Variants in RSPO4 observed in about 807,000 individuals in gnomAD.
RSPO4 encodes the protein R-spondin-4.
A neutral mutation model predicts 24.8 loss-of-function variants in RSPO4; 23 were observed. The ratio of observed to expected loss-of-function variants is 0.93; its 90% CI spans 0.67 to 1.31. RSPO4 has a LOEUF of 1.31. RSPO4 is among the 40% of genes most tolerant of loss of function. RSPO4 has a pLI of 0.00. For missense variants in RSPO4, 333 were observed against 316.5 expected (o/e 1.05, Z -0.39); for synonymous variants, 141 against 127.4 (o/e 1.11, Z -0.72).
chr20:985,385 C>A (rs1984887758), intron 1 of RSPO4, among the ~76,000 whole-genome samples: 1 of 152,150 alleles, frequency 6.6e-6, no homozygotes, highest in Admixed American at 6.5e-5. Context: ...TGAATATCAT[C>A]TATGTGCCAG....
rs191594005 is a variant in RSPO4, at chr20:990,226, C to T, written c.79+11860G>A. ...ATGCTATTTAAAGTCATACGTCTCT[C>T]AGGTCCCGAGGCACACCAGGGATGG... On this transcript the variant is annotated intron_variant, in intron 1 of 4. Transcript: ENST00000217260. Among the ~76,000 whole-genome samples the T allele has an allele frequency of 1.3e-3, 191 of 152,252 alleles. 1 individual carries two copies. The highest frequency in any genetic ancestry group is 4.2e-3 in the African/African-American group (176 of 41,546).
At chr20:963,269 G>C (rs1479990258) in intron 4 of RSPO4, among the ~76,000 whole-genome samples, 1 of 152,172 alleles carries the variant, frequency 6.6e-6, no homozygotes, top group Non-Finnish European at 1.5e-5. Context: ...TGAAAAGTCT[G>C]CTTGCTGGGA....
At chr20:974,955 CAG>C (rs767347178) in intron 1 of RSPO4, among the ~76,000 whole-genome samples, 6 of 152,150 alleles carry the variant, frequency 3.9e-5, no homozygotes, top group Non-Finnish European at 8.8e-5. Flanking sequence ...AAATCAGATG[CAG>C]AGAGAGAAGC....
chr20:977,979 G>A (rs1984618462), intron 1 of RSPO4, among the ~76,000 whole-genome samples: 1 of 152,212 alleles, frequency 6.6e-6, no homozygotes. Context: ...CACTGCTGGA[G>A]GCTTGCTCAG....
intron 1 of RSPO4, among the ~76,000 whole-genome samples, chr20:982,819 G>A (rs554006676): frequency 1.3e-5 from 2 of 152,348 alleles, no homozygotes; most frequent in East Asian, 3.9e-4. Flanking sequence ...CTTGTCGGGG[G>A]TTTATGATTC....
Position 964,733 on chromosome 20 carries a change from C to A in RSPO4, c.410-613G>T, listed in dbSNP as rs752721322. Among the ~76,000 whole-genome samples the A allele has an allele frequency of 1.4e-5, 2 of 147,646 alleles. 1 individual carries two copies. The highest frequency in any genetic ancestry group is 4.0e-4 in the East Asian group (2 of 5,032). Reference sequence around the variant, plus strand: ...ACATATATATATACACATATATATACACACACACACATATATATACACATA... The same window carrying A: ...ACATATATATATACACATATATATAAACACACACACATATATATACACATA... On this transcript the variant is annotated intron_variant, in intron 3 of 4. Transcript: ENST00000217260.
At chr20:976,694 C>T (rs139784696) in intron 1 of RSPO4, among the ~76,000 whole-genome samples, 3,242 of 152,098 alleles carry the variant, frequency 0.021, 49 homozygotes, top group Middle Eastern at 0.11. Context: ...ACATCTGGGA[C>T]GCTGAAAATG....
intron 4 of RSPO4, among the ~76,000 whole-genome samples, chr20:961,415 G>A: frequency 6.6e-6 from 1 of 152,228 alleles, no homozygotes; most frequent in Non-Finnish European, 1.5e-5. Context: ...CTAGTGGCAA[G>A]GGGAGGGCAG....
At position 967,977 on chromosome 20, in the gene RSPO4, G is replaced by A; in HGVS notation, c.241C>T (p.Arg81Cys). The A allele has an allele frequency of 5.6e-6, 9 of 1,614,250 alleles. No individual in the cohort carries two copies. Among genetic ancestry groups the A allele is most frequent in the South Asian group, 1.1e-5 (1 of 91,084 alleles). ...HDCPPGYFGI[R>C]GQEVNRCKKC... ...TTGCACCTGTTGACCTCCTGGCCGCGGATGCCGAAGTACCCAGGGGGACAG... is the reference window on the plus strand; with the variant it reads ...TTGCACCTGTTGACCTCCTGGCCGCAGATGCCGAAGTACCCAGGGGGACAG... The change falls in exon 2 of 5, where the codon CGC (arginine) becomes TGC (cysteine). Residue 81 changes from arginine to cysteine, a missense_variant. Transcript: ENST00000217260.
At chr20:973,037 CAAG>C (rs1168467784) in intron 1 of RSPO4, among the ~76,000 whole-genome samples, 1 of 152,234 alleles carries the variant, frequency 6.6e-6, no homozygotes, top group Non-Finnish European at 1.5e-5. Context: ...AACCGAGAAT[CAAG>C]GAGGTGAAAC....
At chr20:964,731 T>TAC (rs756647472) in intron 3 of RSPO4, among the ~76,000 whole-genome samples, 3,325 of 148,064 alleles carry the variant, frequency 0.022, 86 homozygotes, top group African/African-American at 0.06. Context: ...CACATATATA[T>TAC]ACACACACAC....
intron 1 of RSPO4, among the ~76,000 whole-genome samples, chr20:983,564 T>A (rs192982723): frequency 1.1e-3 from 162 of 152,314 alleles, no homozygotes; most frequent in Non-Finnish European, 1.6e-3. Context: ...TCCACAGTGC[T>A]AATGGCTGCA....
chr20:964,585 C>T (rs2122210994), intron 3 of RSPO4, among the ~76,000 whole-genome samples: 1 of 151,776 alleles, frequency 6.6e-6, no homozygotes, highest in Non-Finnish European at 1.5e-5. Context: ...AGGTTTTAAA[C>T]TTGATCATGT....
chr20:985,465 A>G (rs1984891462), intron 1 of RSPO4, among the ~76,000 whole-genome samples: 1 of 152,236 alleles, frequency 6.6e-6, no homozygotes, highest in Non-Finnish European at 1.5e-5. Flanking sequence ...GACATACAAA[A>G]TCATACTGGA....
intron 1 of RSPO4, among the ~76,000 whole-genome samples, chr20:977,834 C>T (rs1306520857): frequency 2.0e-5 from 3 of 152,170 alleles, no homozygotes; most frequent in Non-Finnish European, 4.4e-5. Context: ...GGGCCCTACA[C>T]AGACAGTGCT....
chr20:976,816 AC>A (rs1249298331), intron 1 of RSPO4, among the ~76,000 whole-genome samples: 1 of 152,142 alleles, frequency 6.6e-6, no homozygotes, highest in Non-Finnish European at 1.5e-5. Context: ...TTTAAAAAAA[AC>A]AAGACTAATT....
intron 1 of RSPO4, among the ~76,000 whole-genome samples, chr20:1,000,521 T>TG (rs1402244422): frequency 3.3e-5 from 5 of 152,174 alleles, no homozygotes; most frequent in Non-Finnish European, 5.9e-5. Flanking sequence ...AAGTAAAAGA[T>TG]GGGTTGATGA....
chr20:985,825 TGGG>T (rs551089322), intron 1 of RSPO4, among the ~76,000 whole-genome samples: 208 of 152,246 alleles, frequency 1.4e-3, no homozygotes, highest in African/African-American at 5.0e-3. Context: ...CAAGCCCAGG[TGGG>T]CTCATGGTTT....
chr20:980,734 C>G (rs1984710216), intron 1 of RSPO4, among the ~76,000 whole-genome samples: 1 of 152,128 alleles, frequency 6.6e-6, no homozygotes, highest in African/African-American at 2.4e-5. Context: ...GATTTCATGG[C>G]CAGTGGTGAT....
Sources: gnomAD v4.1 joint callset for allele counts (sites outside exome capture counted in the v4.1 genomes callset) on GRCh38, gnomAD v4.1.1 for gene constraint, MANE v1.5 for transcripts, NCBI Gene and HGNC (gene_info 2026-07-23, HGNC 2026-07-21) for gene names.